The following PIK3C2G variants were observed in gnomAD, a reference collection of about 807,000 sequenced individuals.
PIK3C2G encodes the protein phosphatidylinositol-4-phosphate 3-kinase catalytic subunit type 2 gamma.
A neutral mutation model predicts 181.1 loss-of-function variants in PIK3C2G; 168 were observed. That is an observed-to-expected ratio of 0.93 (90% confidence interval 0.82 to 1.05). PIK3C2G has a LOEUF of 1.05. Ranked by LOEUF, PIK3C2G falls within the 50% of genes least tolerant of loss-of-function variation. The probability of loss-of-function intolerance (pLI) is 0.00; values close to 1 mark genes in which losing one functional copy is unlikely to be tolerated. For missense variants in PIK3C2G, 1,869 were observed against 1,732.8 expected (o/e 1.08, Z -1.40); for synonymous variants, 573 against 592.2 (o/e 0.97, Z 0.47).
intron 12 of PIK3C2G, among the ~76,000 whole-genome samples, chr12:18,365,103 G>A (rs1941545941): frequency 6.6e-6 from 1 of 152,114 alleles, no homozygotes; most frequent in Non-Finnish European, 1.5e-5. Flanking sequence ...GATACTTACT[G>A]ATTAACTTGG....
chr12:18,577,432 G>A (rs1946289837), intron 29 of PIK3C2G, among the ~76,000 whole-genome samples: 1 of 152,156 alleles, frequency 6.6e-6, no homozygotes, highest in South Asian at 2.1e-4. Flanking sequence ...CTTGTTTTGT[G>A]TCTCTTTTAA....
intron 24 of PIK3C2G, among the ~76,000 whole-genome samples, chr12:18,531,064 A>G (rs73064271): frequency 0.031 from 4,664 of 152,234 alleles, 73 homozygotes; most frequent in Middle Eastern, 0.071. Context: ...TATCTTCTTC[A>G]CATGCCTTAT....
intron 18 of PIK3C2G, among the ~76,000 whole-genome samples, chr12:18,477,152 A>C (rs894614289): frequency 6.6e-6 from 1 of 152,078 alleles, no homozygotes; most frequent in Non-Finnish European, 1.5e-5. Context: ...CTATGGGATT[A>C]AGTCCCCAGT....
intron 1 of PIK3C2G, among the ~76,000 whole-genome samples, chr12:18,281,391 A>T (rs1247562873): frequency 2.0e-5 from 3 of 152,010 alleles, no homozygotes; most frequent in Non-Finnish European, 4.4e-5. Flanking sequence ...ACGGTATCAA[A>T]TCCTGTGAAG....
intron 8 of PIK3C2G, among the ~76,000 whole-genome samples, chr12:18,336,324 G>T (rs972763393): frequency 6.6e-6 from 1 of 152,146 alleles, no homozygotes; most frequent in Non-Finnish European, 1.5e-5. Context: ...GAACCAGGGT[G>T]TAAACAAACA....
intron 16 of PIK3C2G, among the ~76,000 whole-genome samples, chr12:18,419,827 A>G (rs941477723): frequency 2.7e-5 from 4 of 150,054 alleles, no homozygotes. Context: ...CATCAAGGAC[A>G]ATTGAGTTAT....
chr12:18,687,145 A>G, the PIK3C2G span, among the ~76,000 whole-genome samples: 13 of 152,094 alleles, frequency 8.5e-5, no homozygotes, highest in Non-Finnish European at 1.3e-4. Context: ...CCCATTGATA[A>G]CATAGGATAA....
the PIK3C2G span, among the ~76,000 whole-genome samples, chr12:18,663,659 G>A: frequency 2.0e-5 from 3 of 151,564 alleles, no homozygotes; most frequent in African/African-American, 7.3e-5. Context: ...AAAAAACATA[G>A]GACAAAAGCT....
intron 1 of PIK3C2G, among the ~76,000 whole-genome samples, chr12:18,275,450 C>T (rs557835135): frequency 6.6e-4 from 100 of 152,178 alleles, no homozygotes; most frequent in Non-Finnish European, 8.7e-4. Flanking sequence ...GACATGATCT[C>T]GACTCAGTGC....
At chr12:18,432,975 A>T (rs1171241465) in intron 18 of PIK3C2G, among the ~76,000 whole-genome samples, 2 of 144,332 alleles carry the variant, frequency 1.4e-5, no homozygotes, top group Non-Finnish European at 3.0e-5. Context: ...AGTACTGAAG[A>T]TGTGACTTTT....
At chr12:18,383,972 T>TTTA (rs1370574853) in intron 14 of PIK3C2G, among the ~76,000 whole-genome samples, 13 of 146,364 alleles carry the variant, frequency 8.9e-5, no homozygotes, top group South Asian at 2.1e-4. Context: ...CCCTGTTATT[T>TTTA]TTATTATTAT....
intron 1 of PIK3C2G, among the ~76,000 whole-genome samples, chr12:18,252,264 C>A (rs780656039): frequency 1.3e-5 from 2 of 152,108 alleles, no homozygotes; most frequent in Non-Finnish European, 2.9e-5. Context: ...AGTCTCTCAC[C>A]CTGCTGTAAT....
At chr12:18,573,688 A>C (rs570943792) in intron 29 of PIK3C2G, among the ~76,000 whole-genome samples, 1 of 152,310 alleles carries the variant, frequency 6.6e-6, no homozygotes, top group East Asian at 1.9e-4. Context: ...CTAACCTACT[A>C]TCACCAGAAA....
intron 29 of PIK3C2G, among the ~76,000 whole-genome samples, chr12:18,579,650 C>T (rs376523073): frequency 1.1e-4 from 17 of 152,296 alleles, no homozygotes; most frequent in East Asian, 9.7e-4. Context: ...TAGACATCCT[C>T]GTTCCATATC....
chr12:18,504,731 C>T (rs1343338043), intron 23 of PIK3C2G, among the ~76,000 whole-genome samples: 1 of 152,164 alleles, frequency 6.6e-6, no homozygotes, highest in African/African-American at 2.4e-5. Context: ...TAATCTGCTT[C>T]CACCCACACA....
chr12:18,307,188 A>T (rs1280349752), intron 5 of PIK3C2G, among the ~76,000 whole-genome samples: 1 of 124,528 alleles, frequency 8.0e-6, no homozygotes, highest in African/African-American at 3.2e-5. Context: ...AAATAACATG[A>T]GCTATTTAGG....
intron 31 of PIK3C2G, among the ~76,000 whole-genome samples, chr12:18,633,811 C>A (rs954689355): frequency 1.3e-5 from 2 of 152,126 alleles, no homozygotes; most frequent in African/African-American, 4.8e-5. Flanking sequence ...ATTGTTGTGC[C>A]TCCCAATGGA....
At chr12:18,572,615 A>C (rs923927303) in intron 29 of PIK3C2G, among the ~76,000 whole-genome samples, 5 of 151,780 alleles carry the variant, frequency 3.3e-5, no homozygotes, top group African/African-American at 1.2e-4. Context: ...AATTTGTGCT[A>C]TGATGTCTTT....
intron 13 of PIK3C2G, among the ~76,000 whole-genome samples, chr12:18,376,886 G>A (rs1248003664): frequency 6.6e-6 from 1 of 152,144 alleles, no homozygotes; most frequent in Non-Finnish European, 1.5e-5. Context: ...GCTTCCTAAG[G>A]CCTCCCAAAA....
Sources: allele counts gnomAD v4.1 joint callset (sites outside exome capture counted in the v4.1 genomes callset), GRCh38; gene constraint gnomAD v4.1.1; transcripts MANE v1.5; gene names NCBI Gene and HGNC (gene_info 2026-07-23, HGNC 2026-07-21).